The following BPIFB2 variants were observed in gnomAD, a reference collection of about 807,000 sequenced individuals.
BPIFB2 encodes BPI fold-containing family B member 2.
Under a neutral mutation model 50.1 loss-of-function variants are expected in BPIFB2, and 39 were observed. The ratio of observed to expected loss-of-function variants is 0.78; its 90% CI spans 0.60 to 1.02. BPIFB2 has a LOEUF of 1.02. BPIFB2 is among the 50% of genes least tolerant of loss of function. The pLI is 0.00. For missense variants in BPIFB2, 574 were observed against 585.8 expected (o/e 0.98, Z 0.21); for synonymous variants, 280 against 256.3 (o/e 1.09, Z -0.88).
rs368874454 is a variant in BPIFB2, at chr20:33,020,470, C to T, written c.1149-72C>T. ...ATGGGTCCATCACCACCCTGGGTCA[C>T]GGTGTTAGCCAGGGAGCCTGGGCGT... On this transcript the variant is annotated intron_variant, in intron 12 of 15. Transcript: ENST00000170150. 211 of 1,596,024 alleles carry T rather than the reference C, an allele frequency of 1.3e-4. 1 individual carries two copies. The Admixed American group carries it at 1.9e-3, about 14-fold the overall frequency.
rs202092895 is a variant in BPIFB2 at position 33,011,054 on chromosome 20, G to A, written c.140G>A (p.Arg47Gln). The A allele has an allele frequency of 1.4e-4, 230 of 1,613,894 alleles. No individual in the cohort carries two copies. The highest frequency in any genetic ancestry group is 2.0e-4 in the Admixed American group (12 of 59,996). Residue 47 changes from arginine (R) to glutamine (Q), a missense_variant, in exon 3 of 16, where the codon CGG becomes CAG. Coordinates refer to ENST00000170150, the MANE Select transcript of BPIFB2 (RefSeq NM_025227.3). ...VSEIGKAPLQ[R>Q]ALQVTVPHFL... Reference sequence around the variant, plus strand: ...GAAATTGGGAAAGCCCCTCTCCAGCGGGCCCTGCAGGTCACTGTCCCTCAT... The same window carrying A: ...GAAATTGGGAAAGCCCCTCTCCAGCAGGCCCTGCAGGTCACTGTCCCTCAT...
intron 11 of BPIFB2, among the ~76,000 whole-genome samples, 176 bp from the exon 12 acceptor site, chr20:33,020,152 T>C (rs1384864543): frequency 6.6e-6 from 1 of 152,222 alleles, no homozygotes; most frequent in African/African-American, 2.4e-5. Flanking sequence ...GGCAGGGAGC[T>C]GGTCTGCCTT....
intron 5 of BPIFB2, among the ~76,000 whole-genome samples, chr20:33,014,769 T>TCGCATGATCACCA (rs1367004960): frequency 6.6e-6 from 1 of 152,216 alleles, no homozygotes; most frequent in Non-Finnish European, 1.5e-5. Context: ...CACACTTGTG[T>TCGCATGATCACCA]CGCATGATCA....
At chr20:33,013,360 A>G (rs1335538687) in intron 4 of BPIFB2, among the ~76,000 whole-genome samples, 3 of 152,146 alleles carry the variant, frequency 2.0e-5, no homozygotes, top group African/African-American at 7.2e-5. Flanking sequence ...GTGCAGTCAG[A>G]GGGGTCTCTT....
intron 15 of BPIFB2, among the ~76,000 whole-genome samples, chr20:33,023,100 C>CG (rs1568980552): frequency 6.6e-6 from 1 of 152,192 alleles, no homozygotes; most frequent in African/African-American, 2.4e-5. Context: ...TATCCACCAT[C>CG]GGAGCAGCAA....
At chr20:33,021,439 A>C in intron 14 of BPIFB2, 95 bp downstream of exon 14, 1 of 1,388,570 alleles carries the variant, frequency 7.2e-7, no homozygotes, top group Non-Finnish European at 1.0e-6. Flanking sequence ...CCCACCTCCC[A>C]GGCTCACAGG....
intron 6 of BPIFB2, 78 bp downstream of exon 6, chr20:33,015,574 A>C (rs1237397515): frequency 5.5e-6 from 7 of 1,271,490 alleles, no homozygotes; most frequent in Admixed American, 2.2e-5. Context: ...GTGGGATTTC[A>C]GGCAGGGGGT....
chr20:33,008,413 T>G, intron 1 of BPIFB2, 128 bp from the exon 2 acceptor site: 1 of 561,836 alleles, frequency 1.8e-6, no homozygotes. Flanking sequence ...CAAAAACTGA[T>G]GTCTGTGGGC....
intron 3 of BPIFB2, among the ~76,000 whole-genome samples, chr20:33,011,441 G>A (rs150518998): frequency 1.5e-3 from 227 of 152,320 alleles, no homozygotes; most frequent in African/African-American, 5.1e-3. Flanking sequence ...AGGACCCTCT[G>A]TTTCTAGAAA....
rs1477266081 is a variant in BPIFB2 at position 33,015,432 on chromosome 20, T to C, written c.456-4T>C. 3 of 1,612,570 alleles carry C rather than the reference T, an allele frequency of 1.9e-6. No homozygotes were observed. The African/African-American group carries it at 4.0e-5, about 22-fold the overall frequency. On this transcript the variant is annotated splice_polypyrimidine_tract_variant and splice_region_variant and intron_variant, in intron 5 of 15. Coordinates refer to ENST00000170150, the MANE Select transcript of BPIFB2 (RefSeq NM_025227.3). ...CAGGAACTCTTTCTGTGTTTCTCCC[T>C]CAGCACCTCCCACGCGCTGCTGGTC...
chr20:33,018,333 A>G lies in BPIFB2; in HGVS notation c.652A>G (p.Ile218Val). Reference sequence around the variant, plus strand: ...TGTGCCCACTGTCACCAGTGACTACATTTCCCTGGAAGTCAATGTAAGTGC... The same window carrying G: ...TGTGCCCACTGTCACCAGTGACTACGTTTCCCTGGAAGTCAATGTAAGTGC... ...VSVPTVTSDYISLEVNAVLFL... is the reference protein window; with the variant it reads ...VSVPTVTSDYVSLEVNAVLFL... Residue 218 changes from isoleucine (I) to valine (V), a missense_variant, in exon 8 of 16, where the codon ATT becomes GTT. Physicochemically the swap from Ile to Val is conservative, Grantham distance 29. Transcript: ENST00000170150. The G allele has an allele frequency of 6.2e-7, 1 of 1,613,632 alleles. No homozygotes were observed. The highest frequency in any genetic ancestry group is 8.5e-7 in the Non-Finnish European group (1 of 1,179,634).
intron 3 of BPIFB2, 54 bp from the exon 4 acceptor site, chr20:33,012,749 T>A: frequency 2.8e-6 from 4 of 1,431,758 alleles, no homozygotes; most frequent in Non-Finnish European, 3.9e-6. Context: ...CACCCCAGAG[T>A]TGATCCCATG....
At position 33,022,453 on chromosome 20, in the gene BPIFB2, T is replaced by C. The variant is rs151216153; in HGVS notation, c.1335+654T>C. Among the ~76,000 whole-genome samples the C allele has an allele frequency of 3.7e-3, 566 of 152,262 alleles. 7 individuals are homozygous for C. The highest frequency in any genetic ancestry group is 0.013 in the African/African-American group (535 of 41,550). On this transcript the variant is annotated intron_variant, in intron 15 of 15. Transcript: ENST00000170150. ...GCACTTGGGTGATTATCCGCCCCCA[T>C]GAGAAGGAACGATTGGTACACAGAG... is the stretch of plus-strand genomic sequence containing the variant.
chr20:33,008,933 T>G (rs1990249818), intron 2 of BPIFB2, among the ~76,000 whole-genome samples: 1 of 152,148 alleles, frequency 6.6e-6, no homozygotes, highest in African/African-American at 2.4e-5. Context: ...GCTCACATGC[T>G]TTGGTGATGT....
At chr20:33,012,771 G>A (rs754672743) in intron 3 of BPIFB2, 32 bp from the exon 4 acceptor site, 4 of 1,539,250 alleles carry the variant, frequency 2.6e-6, no homozygotes, top group Non-Finnish European at 3.6e-6. Flanking sequence ...TTTAATGGGG[G>A]CCACTCTGTC....
rs757721353 is a variant in BPIFB2 at position 33,020,394 on chromosome 20, G to C, written c.1147G>C (p.Gly383Arg). The change falls in exon 12 of 16, where the codon GGG becomes CGG. Residue 383 changes from glycine to arginine, a missense_variant and splice_region_variant. Physicochemically the swap from Gly to Arg is moderately radical, Grantham distance 125. Transcript: ENST00000170150. Reference protein sequence around the residue: ...VKLQGTTSVLGDVQLTVASSN... With the variant: ...VKLQGTTSVLRDVQLTVASSN... ...GCTTCAGGGGACCACGTCTGTGCTG[G>C]GGTAAACGAGCCCACCTGGACCCAG... is the stretch of plus-strand genomic sequence containing the variant. 2 of 1,614,080 alleles carry C rather than the reference G, an allele frequency of 1.2e-6. No individual in the cohort carries two copies. The highest frequency in any genetic ancestry group is 1.7e-6 in the Non-Finnish European group (2 of 1,179,966).
chr20:33,013,438 T>G (rs1020821942), intron 4 of BPIFB2, among the ~76,000 whole-genome samples: 1 of 152,160 alleles, frequency 6.6e-6, no homozygotes, highest in Non-Finnish European at 1.5e-5. Flanking sequence ...CTGTGCTGGG[T>G]GTTTTCACAT....
chr20:33,011,029 G>C lies in BPIFB2; in HGVS notation c.115G>C (p.Glu39Gln). 6.2e-7 allele frequency: 1 copy of C among 1,613,998 alleles called. No homozygotes were observed. The highest frequency in any genetic ancestry group is 1.3e-5 in the African/African-American group (1 of 75,018). ...ACTCTACCCTGGCCCCACAGTGTCT[G>C]AAATTGGGAAAGCCCCTCTCCAGCG... ...LNKAALSYVS[E>Q]IGKAPLQRAL... Residue 39 changes from glutamate (E) to glutamine (Q), a missense_variant, in exon 3 of 16, where the codon GAA (glutamate) becomes CAA (glutamine). Transcript: ENST00000170150.
At chr20:33,017,743 G>T (rs1184207590) in intron 7 of BPIFB2, among the ~76,000 whole-genome samples, 1 of 152,196 alleles carries the variant, frequency 6.6e-6, no homozygotes, top group Non-Finnish European at 1.5e-5. Flanking sequence ...ACAATCCTGG[G>T]CAAGACTGAA....
Sources: allele counts gnomAD v4.1 joint callset (sites outside exome capture counted in the v4.1 genomes callset), GRCh38; gene constraint gnomAD v4.1.1; transcripts MANE v1.5; gene names NCBI Gene and HGNC (gene_info 2026-07-23, HGNC 2026-07-21).